Variants in CDKN2B observed in about 807,000 individuals in gnomAD.
The protein encoded by CDKN2B is cyclin-dependent kinase 4 inhibitor B.
CDKN2B carries 8 observed loss-of-function variants against 7.7 expected under a neutral mutation model. The ratio of observed to expected loss-of-function variants is 1.04; its 90% CI spans 0.61 to 1.87. The LOEUF (loss-of-function observed/expected upper bound fraction) is 1.87. CDKN2B is among the 40% of genes most tolerant of loss of function. CDKN2B has a pLI of 0.00. For synonymous variants in CDKN2B, 93 were observed against 95.8 expected (o/e 0.97, Z 0.17); for missense variants, 244 against 213.1 (o/e 1.15, Z -0.90).
Position 22,005,968 on chromosome 9 carries a change from G to T in CDKN2B, c.*19C>A. 1 of 1,599,802 alleles carries T rather than the reference G, an allele frequency of 6.3e-7. No homozygotes were observed. On this transcript the variant is annotated 3_prime_UTR_variant, in exon 2 of 2. Transcript: ENST00000276925. The surrounding 1 kb of genome is among the most constrained non-coding windows in gnomAD (Gnocchi z 4.9). ...GGGTAAGAAAATAAAGTCGTTGTGG[G>T]CGGCTGGGGAACCTGGCGTCAGTCC...
rs1200952231 is a variant in CDKN2B at position 22,006,657 on chromosome 9, C to A, written c.157-410G>T. 6.6e-6 allele frequency among the ~76,000 whole-genome samples: 1 copy of A among 152,128 alleles called. No individual in the cohort carries two copies. Among genetic ancestry groups the A allele is most frequent in the African/African-American group, 2.4e-5 (1 of 41,402 alleles). ...GCCTTGCTGACCCCTCCTCCATAATCCAGGTCTACAAATATTTATTAGGTA... is the reference window on the plus strand; with the variant it reads ...GCCTTGCTGACCCCTCCTCCATAATACAGGTCTACAAATATTTATTAGGTA... On this transcript the variant is annotated intron_variant, in intron 1 of 1. Transcript: ENST00000276925. The surrounding 1 kb of genome is among the most constrained non-coding windows in gnomAD (Gnocchi z 6.4).
chr9:22,005,825 G>T lies in CDKN2B; in HGVS notation c.*162C>A. 1.1e-6 allele frequency: 1 copy of T among 874,214 alleles called. No individual in the cohort carries two copies. The highest frequency in any genetic ancestry group is 1.8e-6 in the Non-Finnish European group (1 of 561,804). 54.2% of individuals were successfully genotyped at this position (874,214 alleles called of 1,614,324 possible). A position where few individuals can be genotyped will look rare whatever the true frequency, so the allele number is the denominator to read the frequency against. ...AGACAAAGAAAAAAATGTATGGAAG[G>T]TTATTCCCGGTCGGCTCCTCCTTCC... On this transcript the variant is annotated 3_prime_UTR_variant, in exon 2 of 2. Transcript: ENST00000276925. The surrounding 1 kb of genome is among the most constrained non-coding windows in gnomAD (Gnocchi z 4.9).
At position 22,006,485 on chromosome 9, in the gene CDKN2B, T is replaced by C. The variant is rs1220739946; in HGVS notation, c.157-238A>G. Among the ~76,000 whole-genome samples the C allele has an allele frequency of 6.6e-6, 1 of 152,200 alleles. No individual in the cohort carries two copies. Among genetic ancestry groups the C allele is most frequent in the Non-Finnish European group, 1.5e-5 (1 of 68,036 alleles). Reference sequence around the variant, plus strand: ...TAAATGCCATTTTATTCTCTAAACGTGCAGAGACAAGAAAGTTGATGGTAA... The same window carrying C: ...TAAATGCCATTTTATTCTCTAAACGCGCAGAGACAAGAAAGTTGATGGTAA... On this transcript the variant is annotated intron_variant, in intron 1 of 1. Transcript: ENST00000276925. The surrounding 1 kb of genome is among the most constrained non-coding windows in gnomAD (Gnocchi z 6.4).
rs1821073197 is a variant in CDKN2B, at chr9:22,004,511, T to C, written c.*1476A>G. 1 of 232,664 alleles carries C rather than the reference T, an allele frequency of 4.3e-6. No individual in the cohort carries two copies. Among genetic ancestry groups the C allele is most frequent in the Non-Finnish European group, 8.5e-6 (1 of 117,682 alleles). 14.4% of individuals were successfully genotyped at this position (232,664 alleles called of 1,614,324 possible). Reference sequence around the variant, plus strand: ...TGAACCTTTAACATTTCTCAGGAGTTAGTGGTAAACCCATGAACATGTATT... The same window carrying C: ...TGAACCTTTAACATTTCTCAGGAGTCAGTGGTAAACCCATGAACATGTATT... On this transcript the variant is annotated 3_prime_UTR_variant, in exon 2 of 2. Transcript: ENST00000276925.
rs1332496846 is a variant in CDKN2B, at chr9:22,009,201, G to A, written c.-248C>T. On this transcript the variant is annotated 5_prime_UTR_variant, in exon 1 of 2. Coordinates refer to ENST00000276925, the MANE Select transcript of CDKN2B (RefSeq NM_004936.4). The stretch of plus-strand genomic sequence containing the variant: ...CAGCGGGCGCGCCTGGATTGCTTCT[G>A]GGAAAAAGCGCCTAGCGCGGACGCA... The A allele has an allele frequency of 4.9e-6, 3 of 613,852 alleles. No homozygotes were observed. The highest frequency in any genetic ancestry group is 2.9e-6 in the Non-Finnish European group (1 of 348,268). The allele number at this position is 613,852 out of a possible 1,614,324, so 38.0% of individuals were successfully genotyped here. A position where few individuals can be genotyped will look rare whatever the true frequency, so the allele number is the denominator to read the frequency against.
chr9:22,004,392 G>A lies in CDKN2B; in HGVS notation c.*1595C>T, dbSNP rs1025332263. Reference sequence around the variant, plus strand: ...AGCATAATACATGTATACACTTTGTGTTTAATTTTCTATGGCATAAGTAAG... The same window carrying A: ...AGCATAATACATGTATACACTTTGTATTTAATTTTCTATGGCATAAGTAAG... On this transcript the variant is annotated 3_prime_UTR_variant, in exon 2 of 2. Coordinates refer to ENST00000276925, the MANE Select transcript of CDKN2B (RefSeq NM_004936.4). The A allele has an allele frequency of 8.6e-6, 2 of 232,052 alleles. No homozygotes were observed. Among genetic ancestry groups the A allele is most frequent in the African/African-American group, 4.4e-5 (2 of 45,302 alleles). 14.4% of individuals were successfully genotyped at this position (232,052 alleles called of 1,614,324 possible). A position where few individuals can be genotyped will look rare whatever the true frequency, so the allele number is the denominator to read the frequency against.
At chr9:22,008,548 C>A in intron 1 of CDKN2B, 2 of 953,690 alleles carry the variant, frequency 2.1e-6, no homozygotes, top group South Asian at 1.7e-5. Flanking sequence ...TCAGTCTATT[C>A]CTTGCATCTC....
chr9:22,005,842 C>T lies in CDKN2B; in HGVS notation c.*145G>A, dbSNP rs1821144838. On this transcript the variant is annotated 3_prime_UTR_variant, in exon 2 of 2. Coordinates refer to ENST00000276925, the MANE Select transcript of CDKN2B (RefSeq NM_004936.4). The surrounding 1 kb of genome is among the most constrained non-coding windows in gnomAD (Gnocchi z 4.9). ...TATGGAAGGTTATTCCCGGTCGGCTCCTCCTTCCTGTGAGTCTCAGACAGG... is the reference window on the plus strand; with the variant it reads ...TATGGAAGGTTATTCCCGGTCGGCTTCTCCTTCCTGTGAGTCTCAGACAGG... The T allele has an allele frequency of 2.7e-6, 3 of 1,115,342 alleles. No homozygotes were observed. Among genetic ancestry groups the T allele is most frequent in the East Asian group, 2.6e-5 (1 of 38,848 alleles). The allele number at this position is 1,115,342 out of a possible 1,614,324, so 69.1% of individuals were successfully genotyped here.
Position 22,008,961 on chromosome 9 carries a change from C to A in CDKN2B, c.-8G>T, listed in dbSNP as rs1281831012. The A allele has an allele frequency of 1.2e-6, 2 of 1,612,838 alleles. No homozygotes were observed. The highest frequency in any genetic ancestry group is 1.7e-6 in the Non-Finnish European group (2 of 1,179,950). The stretch of plus-strand genomic sequence containing the variant: ...CTTGTTCTCCTCGCGCATTCCGCAG[C>A]CCCCAGACGCGCAGCGGCCCGGATA... On this transcript the variant is annotated 5_prime_UTR_variant, in exon 1 of 2. Coordinates refer to ENST00000276925, the MANE Select transcript of CDKN2B (RefSeq NM_004936.4).
chr9:22,003,463 A>C lies in CDKN2B; in HGVS notation c.*2524T>G, dbSNP rs1821016077. The C allele has an allele frequency of 4.4e-6, 1 of 227,784 alleles. No individual in the cohort carries two copies. Among genetic ancestry groups the C allele is most frequent in the African/African-American group, 2.2e-5 (1 of 45,106 alleles). 14.1% of individuals were successfully genotyped at this position (227,784 alleles called of 1,614,324 possible). A position where few individuals can be genotyped will look rare whatever the true frequency, so the allele number is the denominator to read the frequency against. ...AAGGGATAATTTTTCATGACCCAGT[A>C]TAATGCAACTAGCAAATTTAAACAT... On this transcript the variant is annotated 3_prime_UTR_variant, in exon 2 of 2. Transcript: ENST00000276925.
chr9:22,008,394 T>C (rs1821299159), intron 1 of CDKN2B, among the ~76,000 whole-genome samples: 1 of 152,180 alleles, frequency 6.6e-6, no homozygotes, highest in Non-Finnish European at 1.5e-5. Context: ...ATTGATTTTT[T>C]CCATGTACTA....
rs769168016 is a variant in CDKN2B at position 22,008,799 on chromosome 9, T to G, written c.155A>C (p.Gln52Pro). Residue 52 changes from glutamine (Q) to proline (P), a missense_variant and splice_region_variant, in exon 1 of 2, where the codon CAG (glutamine) becomes CCG (proline). Coordinates refer to ENST00000276925, the MANE Select transcript of CDKN2B (RefSeq NM_004936.4). ...GCGAGGCCCTGGGGCCCCAGCTACC[T>G]GGATCGCGCGCCTCCCGAAACGGTT... Reference protein sequence around the residue: ...GVNRFGRRAIQVMMMGSARVA... With the variant: ...GVNRFGRRAIPVMMMGSARVA... The G allele has an allele frequency of 3.1e-6, 5 of 1,605,250 alleles. No individual in the cohort carries two copies. Among genetic ancestry groups the G allele is most frequent in the Middle Eastern group, 1.7e-4 (1 of 6,060 alleles).
In CDKN2B at chr9:22,005,112, ATGTGTGTGTGTG is replaced by A. The variant is rs3028393; in HGVS notation, c.*863_*874del. 2.5e-4 allele frequency: 56 copies of A among 225,486 alleles called. No homozygotes were observed. The Middle Eastern group carries it at 7.8e-3, about 31-fold the overall frequency. The allele number at this position is 225,486 out of a possible 1,614,324, so 14.0% of individuals were successfully genotyped here. A position where few individuals can be genotyped will look rare whatever the true frequency, so the allele number is the denominator to read the frequency against. ...CATAAGGGGATTTCCGCATCCTAGC[ATGTGTGTGTGTG>A]TGTGTGTGTGTGTGTGTGAAAGAAA... On this transcript the variant is annotated 3_prime_UTR_variant, in exon 2 of 2. Coordinates refer to ENST00000276925, the MANE Select transcript of CDKN2B (RefSeq NM_004936.4). This position sits in a 1 kb window ranked among gnomAD's most constrained non-coding sequence, Gnocchi z 4.9.
intron 1 of CDKN2B, 46 bp downstream of exon 1, chr9:22,008,752 C>A (rs1378321665): frequency 1.4e-5 from 23 of 1,610,204 alleles, no homozygotes; most frequent in Non-Finnish European, 1.8e-5. Context: ...GGCCGCGCCC[C>A]GCGTTCGCGC....
intron 1 of CDKN2B, among the ~76,000 whole-genome samples, chr9:22,008,250 C>T (rs893673477): frequency 3.3e-5 from 5 of 152,138 alleles, no homozygotes; most frequent in African/African-American, 9.7e-5. Flanking sequence ...TATTTTTTCT[C>T]TTATGCATCA....
chr9:22,006,235 C>T lies in CDKN2B; in HGVS notation c.169G>A (p.Gly57Ser). Residue 57 changes from glycine (G) to serine (S), a missense_variant, in exon 2 of 2, where the codon GGC becomes AGC. Transcript: ENST00000276925. This position sits in a 1 kb window ranked among gnomAD's most constrained non-coding sequence, Gnocchi z 6.4. ...AGCAGCTCCGCCACGCGGGCGCTGC[C>T]CATCATCATGACCTGCCAGAGAGAG... ...GRRAIQVMMM[G>S]SARVAELLLL... 1 of 1,605,764 alleles carries T rather than the reference C, an allele frequency of 6.2e-7. No homozygotes were observed.
rs773194349 is a variant in CDKN2B, at chr9:22,006,029, G to T, written c.375C>A (p.His125Gln). ...LPVDLAEERG[H>Q]RDVAGYLRTA... The stretch of plus-strand genomic sequence containing the variant: ...TGCGCAGGTACCCTGCAACGTCGCG[G>T]TGGCCCCGCTCCTCGGCCAAGTCCA... The change falls in exon 2 of 2, where the codon CAC becomes CAA. Residue 125 changes from histidine to glutamine, a missense_variant. His to Gln is a conservative substitution (Grantham distance 24). Coordinates refer to ENST00000276925, the MANE Select transcript of CDKN2B (RefSeq NM_004936.4). This position sits in a 1 kb window ranked among gnomAD's most constrained non-coding sequence, Gnocchi z 6.4. 1.2e-6 allele frequency: 2 copies of T among 1,604,088 alleles called. No individual in the cohort carries two copies. Among genetic ancestry groups the T allele is most frequent in the South Asian group, 1.1e-5 (1 of 90,924 alleles).
At position 22,005,343 on chromosome 9, in the gene CDKN2B, C is replaced by A; in HGVS notation, c.*644G>T. 1 of 241,984 alleles carries A rather than the reference C, an allele frequency of 4.1e-6. No individual in the cohort carries two copies. The highest frequency in any genetic ancestry group is 5.1e-5 in the Admixed American group (1 of 19,622). 15.0% of individuals were successfully genotyped at this position (241,984 alleles called of 1,614,324 possible). On this transcript the variant is annotated 3_prime_UTR_variant, in exon 2 of 2. Transcript: ENST00000276925. The surrounding 1 kb of genome is among the most constrained non-coding windows in gnomAD (Gnocchi z 4.9). The stretch of plus-strand genomic sequence containing the variant: ...CGTCGCTTGCACATCCTCTCTTACC[C>A]CTCTGCTATCTGGTGGAGTTGGGCG...
chr9:22,008,774 G>A (rs1236960364), intron 1 of CDKN2B, 24 bp downstream of exon 1: 2 of 1,608,532 alleles, frequency 1.2e-6, no homozygotes, highest in South Asian at 1.1e-5. Flanking sequence ...CCCCCTGCCG[G>A]CGAGGCCCTG....
Sources: allele counts gnomAD v4.1 joint callset (sites outside exome capture counted in the v4.1 genomes callset), GRCh38; gene constraint gnomAD v4.1.1; non-coding constraint Gnocchi (gnomAD v3.1); transcripts MANE v1.5; gene names NCBI Gene and HGNC (gene_info 2026-07-23, HGNC 2026-07-21).